Variants in FANK1 observed in about 807,000 individuals in gnomAD.
FANK1 encodes the protein fibronectin type 3 and ankyrin repeat domains protein 1.
A neutral mutation model predicts 45.3 loss-of-function variants in FANK1; 44 were observed. That is an observed-to-expected ratio of 0.97 (90% CI 0.76 to 1.25). The LOEUF is 1.25. Among genes scored for constraint, FANK1 ranks in the 50% most tolerant of loss-of-function variants. The pLI, the probability that FANK1 is intolerant of heterozygous loss-of-function variation, is 0.00. For missense variants in FANK1, 391 were observed against 424.4 expected (o/e 0.92, Z 0.69); for synonymous variants, 149 against 152.5 (o/e 0.98, Z 0.17).
At chr10:125,912,535 C>A (rs1004320955) in intron 1 of FANK1, among the ~76,000 whole-genome samples, 1 of 151,710 alleles carries the variant, frequency 6.6e-6, no homozygotes, top group African/African-American at 2.4e-5. Context: ...TTAAAAATGT[C>A]AGCAACTTCA....
intron 1 of FANK1, among the ~76,000 whole-genome samples, chr10:125,952,048 C>A (rs1349237356): frequency 1.3e-5 from 2 of 152,148 alleles, no homozygotes; most frequent in African/African-American, 4.8e-5. Context: ...AACTGTCAGA[C>A]TTTGTGGGGA....
intron 1 of FANK1, among the ~76,000 whole-genome samples, chr10:125,922,819 A>C (rs1016928619): frequency 6.6e-6 from 1 of 152,194 alleles, no homozygotes; most frequent in Non-Finnish European, 1.5e-5. Context: ...TGGCCAGTAC[A>C]TCTTAAAAAT....
At chr10:125,907,409 A>T in intron 1 of FANK1, 1 of 794,964 alleles carries the variant, frequency 1.3e-6, no homozygotes, top group Non-Finnish European at 1.5e-6. Flanking sequence ...GTTTCCCATG[A>T]TCTCAATGTC....
At chr10:125,934,427 C>T (rs1180544996) in intron 1 of FANK1, among the ~76,000 whole-genome samples, 3 of 152,066 alleles carry the variant, frequency 2.0e-5, no homozygotes, top group Non-Finnish European at 2.9e-5. Flanking sequence ...CTGAGCTGAG[C>T]GTGGCTCCAA....
intron 1 of FANK1, among the ~76,000 whole-genome samples, chr10:125,903,510 C>T (rs1945222560): frequency 6.6e-6 from 1 of 152,280 alleles, no homozygotes; most frequent in Non-Finnish European, 1.5e-5. Flanking sequence ...CTCATCCCCA[C>T]ACCCCTGCCT....
chr10:125,954,393 T>C (rs1949443529), intron 1 of FANK1, among the ~76,000 whole-genome samples: 1 of 152,208 alleles, frequency 6.6e-6, no homozygotes. Context: ...TAACAGATTG[T>C]AGATCCCAAA....
At chr10:125,956,345 A>G (rs528490794) in intron 1 of FANK1, among the ~76,000 whole-genome samples, 2 of 152,336 alleles carry the variant, frequency 1.3e-5, no homozygotes, top group East Asian at 3.9e-4. Flanking sequence ...AAGATTGTAC[A>G]GAAAATATGA....
At chr10:125,926,244 T>C (rs1001624932) in intron 1 of FANK1, among the ~76,000 whole-genome samples, 3 of 152,206 alleles carry the variant, frequency 2.0e-5, no homozygotes, top group African/African-American at 7.2e-5. Flanking sequence ...TAGTCTTCAC[T>C]CAGTTTCTCC....
chr10:125,896,705 G>C lies in FANK1; in HGVS notation c.13+50G>C. The C allele has an allele frequency of 1.4e-5, 18 of 1,262,900 alleles. No homozygotes were observed. The South Asian group carries it at 7.1e-4, about 50-fold the overall frequency. The allele number at this position is 1,262,900 out of a possible 1,614,324, so 78.2% of individuals were successfully genotyped here. ...GGGACCGGGGCGGGCGACCGGGCTG[G>C]GGCTCCCCGGGAACGAGTGTGGGCG... On this transcript the variant is annotated intron_variant, in intron 1 of 10. Coordinates refer to ENST00000368693, the MANE Select transcript of FANK1 (RefSeq NM_145235.5).
At chr10:125,938,575 G>A (rs761011011) in intron 1 of FANK1, among the ~76,000 whole-genome samples, 14 of 152,172 alleles carry the variant, frequency 9.2e-5, no homozygotes, top group Non-Finnish European at 1.6e-4. Context: ...TTGGGAGGCC[G>A]AGGTGGGCGG....
chr10:125,966,668 T>C (rs939282432), intron 1 of FANK1, among the ~76,000 whole-genome samples: 3 of 152,210 alleles, frequency 2.0e-5, no homozygotes, highest in African/African-American at 4.8e-5. Context: ...CAGAGTGTAA[T>C]TGAAGTGTCT....
chr10:125,951,868 A>C (rs1244111242), intron 1 of FANK1, among the ~76,000 whole-genome samples: 2 of 152,234 alleles, frequency 1.3e-5, no homozygotes, highest in African/African-American at 4.8e-5. Context: ...AAATGCATTT[A>C]AAAACTGCCA....
At chr10:125,960,119 C>A (rs111442350) in intron 1 of FANK1, 1,997 of 162,332 alleles carry the variant, frequency 0.012, 42 homozygotes, top group African/African-American at 0.045. Context: ...TAGGGAAAAG[C>A]CTTCTCTTGA....
At chr10:125,975,987 T>A (rs1273232819) in intron 1 of FANK1, among the ~76,000 whole-genome samples, 2 of 152,002 alleles carry the variant, frequency 1.3e-5, no homozygotes, top group Admixed American at 1.3e-4. Flanking sequence ...CTATATTTAC[T>A]GTTCCTTCCA....
chr10:125,926,629 ATTTTTC>A (rs1368539675), intron 1 of FANK1, among the ~76,000 whole-genome samples: 24 of 152,294 alleles, frequency 1.6e-4, no homozygotes, highest in Non-Finnish European at 3.4e-4. Context: ...ATATTTTATC[ATTTTTC>A]TTTTTATATT....
intron 1 of FANK1, among the ~76,000 whole-genome samples, chr10:125,902,907 A>G (rs1474170309): frequency 2.7e-4 from 41 of 152,422 alleles, no homozygotes; most frequent in Non-Finnish European, 5.0e-4. Context: ...CAATTAGGTT[A>G]TAATTCAAAT....
chr10:125,979,263 GTGT>G (rs1951045038), intron 1 of FANK1, among the ~76,000 whole-genome samples: 1 of 152,280 alleles, frequency 6.6e-6, no homozygotes, highest in Admixed American at 6.5e-5. Context: ...TCAGTTGAAG[GTGT>G]TGTATTCACT....
chr10:125,941,786 T>G (rs187111398), intron 1 of FANK1, among the ~76,000 whole-genome samples: 1 of 152,324 alleles, frequency 6.6e-6, no homozygotes, highest in Non-Finnish European at 1.5e-5. Context: ...AGTCTCAAAA[T>G]CATACCATTT....
chr10:125,956,031 C>A (rs1949550421), intron 1 of FANK1, among the ~76,000 whole-genome samples: 1 of 152,100 alleles, frequency 6.6e-6, no homozygotes, highest in African/African-American at 2.4e-5. Context: ...CATTTAAGCC[C>A]ACATTCCCAC....
Sources: gnomAD v4.1 joint callset for allele counts (sites outside exome capture counted in the v4.1 genomes callset) on GRCh38, gnomAD v4.1.1 for gene constraint, MANE v1.5 for transcripts, NCBI Gene and HGNC (gene_info 2026-07-23, HGNC 2026-07-21) for gene names.